Variants in MEIS1 observed in about 807,000 individuals in gnomAD.
MEIS1 encodes Meis homeobox 1.
A neutral mutation model predicts 50.8 loss-of-function variants in MEIS1; 5 were observed. The observed-to-expected ratio is 0.10, with a 90% CI of 0.05 to 0.21. The LOEUF is 0.21. MEIS1 is among the 10% of genes least tolerant of loss of function. The pLI, the probability that MEIS1 is intolerant of heterozygous loss-of-function variation, is 1.00. For synonymous variants in MEIS1, 176 were observed against 179.3 expected, an observed-to-expected ratio of 0.98 and a Z score of 0.15; for missense variants, 318 against 517.3, an observed-to-expected ratio of 0.61 and a Z score of 3.74.
intron 7 of MEIS1, among the ~76,000 whole-genome samples, chr2:66,475,207 T>C (rs1472010550): frequency 6.8e-6 from 1 of 146,174 alleles, no homozygotes; most frequent in Non-Finnish European, 1.5e-5. Context: ...CACACCTATA[T>C]AAATAAATAT....
Position 66,437,678 on chromosome 2 carries a change from G to T in MEIS1, c.13-59G>T, listed in dbSNP as rs115907637. 8 of 1,519,534 alleles carry T rather than the reference G, an allele frequency of 5.3e-6. No individual in the cohort carries two copies. In the South Asian group the frequency reaches 5.8e-5, roughly 11 times the overall value. The allele number at this position is 1,519,534 out of a possible 1,614,324, so 94.1% of individuals were successfully genotyped here. A position where few individuals can be genotyped will look rare whatever the true frequency, so the allele number is the denominator to read the frequency against. On this transcript the variant is annotated intron_variant, in intron 1 of 12. Coordinates refer to ENST00000272369, the MANE Select transcript of MEIS1 (RefSeq NM_002398.3). ...CCTTATATAAGCTCGGTGCCTTGCC[G>T]TTCTCCCATTTGCCCGCCTGGCCTC...
chr2:66,573,667 A>G lies in MEIS1; in HGVS notation c.*2459A>G, dbSNP rs1675521319. 6.6e-6 allele frequency: 1 copy of G among 152,182 alleles called. No homozygotes were observed. The highest frequency in any genetic ancestry group is 2.4e-5 in the African/African-American group (1 of 41,450). The allele number at this position is 152,182 out of a possible 1,614,324, so 9.4% of individuals were successfully genotyped here. ...ATGCGCAGAGAGCAAGGCTCAGCCT[A>G]CTGCAGCCATCTCTGGCAGCGCTTC... On this transcript the variant is annotated 3_prime_UTR_variant, in exon 13 of 13. Coordinates refer to ENST00000272369, the MANE Select transcript of MEIS1 (RefSeq NM_002398.3).
At chr2:66,508,343 G>A (rs778852359) in intron 7 of MEIS1, among the ~76,000 whole-genome samples, 17 of 152,162 alleles carry the variant, frequency 1.1e-4, no homozygotes, top group Middle Eastern at 3.2e-3. Flanking sequence ...ACAGAACCAG[G>A]TATTGCCAAT....
intron 8 of MEIS1, among the ~76,000 whole-genome samples, chr2:66,530,577 G>T (rs182588061): frequency 0.012 from 1,839 of 152,244 alleles, 23 homozygotes; most frequent in Non-Finnish European, 0.018. Flanking sequence ...TTAGCCGGGC[G>T]TGGTGGCAGG....
intron 8 of MEIS1, among the ~76,000 whole-genome samples, chr2:66,517,631 C>T (rs541110254): frequency 2.0e-5 from 3 of 152,176 alleles, no homozygotes; most frequent in East Asian, 1.9e-4. Flanking sequence ...TTGTAGATAG[C>T]GTATTTCAAC....
intron 9 of MEIS1, among the ~76,000 whole-genome samples, chr2:66,555,690 G>C (rs1251243440): frequency 1.3e-5 from 2 of 152,098 alleles, no homozygotes; most frequent in African/African-American, 4.8e-5. Context: ...CTGGTGTTGG[G>C]TGATTAACCG....
Position 66,442,988 on chromosome 2 carries a change from A to G in MEIS1, c.570A>G (p.Arg190=). 1 of 1,606,752 alleles carries G rather than the reference A, an allele frequency of 6.2e-7. No individual in the cohort carries two copies. The highest frequency in any genetic ancestry group is 8.5e-7 in the Non-Finnish European group (1 of 1,177,354). ...CTATCGATTTGGTGATAGACGATAG[A>G]GAAGGAGGATCAAAATCAGACAGTG... ...KMPIDLVIDD[R]EGGSKSDSED... is the part of the protein sequence containing the mutation. Residue 190 remains arginine, a synonymous_variant, in exon 6 of 13, where the codon AGA becomes AGG. Transcript: ENST00000272369.
intron 1 of MEIS1, among the ~76,000 whole-genome samples, chr2:66,436,642 C>T (rs901395032): frequency 5.9e-5 from 9 of 152,202 alleles, no homozygotes; most frequent in Non-Finnish European, 1.0e-4. Flanking sequence ...ACTAGGCTGA[C>T]ACAGTTTTCT....
chr2:66,474,065 C>T (rs1208659738), intron 7 of MEIS1, among the ~76,000 whole-genome samples: 1 of 151,794 alleles, frequency 6.6e-6, no homozygotes, highest in Non-Finnish European at 1.5e-5. Context: ...AAAGTCTGTA[C>T]ATGTTCAGTA....
chr2:66,541,312 C>T (rs1674647410), intron 8 of MEIS1, among the ~76,000 whole-genome samples: 1 of 152,078 alleles, frequency 6.6e-6, no homozygotes, highest in African/African-American at 2.4e-5. Context: ...ACTGGGATTA[C>T]AGGTGTGAGC....
intron 7 of MEIS1, among the ~76,000 whole-genome samples, chr2:66,504,704 C>A: frequency 6.6e-6 from 1 of 152,152 alleles, no homozygotes; most frequent in Admixed American, 6.5e-5. Flanking sequence ...TCTACAGCCC[C>A]ACCATTCTTA....
chr2:66,499,990 C>G (rs12620754), intron 7 of MEIS1, among the ~76,000 whole-genome samples: 42,330 of 151,978 alleles, frequency 0.28, 6,299 homozygotes, highest in East Asian at 0.38. Flanking sequence ...CTAAAAGGGC[C>G]TTGTGTGCAA....
intron 4 of MEIS1, chr2:66,441,122 T>C (rs1307078091): frequency 4.9e-6 from 2 of 410,784 alleles, no homozygotes; most frequent in Non-Finnish European, 8.5e-6. Context: ...TGTGGCCCTT[T>C]TGGGGTGGGG....
At chr2:66,568,438 A>G (rs561422050) in intron 10 of MEIS1, 154 of 417,092 alleles carry the variant, frequency 3.7e-4, no homozygotes, top group African/African-American at 2.8e-3. Flanking sequence ...CCAAGCAGAA[A>G]GTTTCCACAC....
rs533008885 is a variant in MEIS1, at chr2:66,435,236, A to AT, written c.-613dup. The AT allele has an allele frequency of 6.6e-6, 1 of 152,598 alleles. No individual in the cohort carries two copies. The highest frequency in any genetic ancestry group is 1.5e-5 in the Non-Finnish European group (1 of 68,348). 9.5% of individuals were successfully genotyped at this position (152,598 alleles called of 1,614,324 possible). On this transcript the variant is annotated 5_prime_UTR_variant, in exon 1 of 13. Coordinates refer to ENST00000272369, the MANE Select transcript of MEIS1 (RefSeq NM_002398.3). ...TCCTTTAAGACAAACTCAGACAGACATTTTTTTTAACCCTCCTTCTCTAAT... is the reference window on the plus strand; with the variant it reads ...TCCTTTAAGACAAACTCAGACAGACATTTTTTTTTAACCCTCCTTCTCTAAT...
chr2:66,475,835 G>C (rs1486010812), intron 7 of MEIS1, among the ~76,000 whole-genome samples: 1 of 152,152 alleles, frequency 6.6e-6, no homozygotes, highest in Non-Finnish European at 1.5e-5. Context: ...GATTGGACTA[G>C]GTATCTGTAA....
At chr2:66,436,874 T>TG (rs1354623564) in intron 1 of MEIS1, 2 of 921,134 alleles carry the variant, frequency 2.2e-6, no homozygotes, top group African/African-American at 1.8e-5. Flanking sequence ...TGAAAGTAGT[T>TG]TTTTTTTTTT....
At chr2:66,459,548 A>G (rs1393132633) in intron 6 of MEIS1, among the ~76,000 whole-genome samples, 2 of 152,158 alleles carry the variant, frequency 1.3e-5, no homozygotes, top group Non-Finnish European at 2.9e-5. Flanking sequence ...GATCTGGTGG[A>G]ATGGAACTCT....
intron 6 of MEIS1, among the ~76,000 whole-genome samples, chr2:66,449,699 A>C (rs1182142912): frequency 6.6e-6 from 1 of 152,178 alleles, no homozygotes; most frequent in Non-Finnish European, 1.5e-5. Context: ...AATTATGATC[A>C]ATGTAATGCA....
Sources: allele counts gnomAD v4.1 joint callset (sites outside exome capture counted in the v4.1 genomes callset), GRCh38; gene constraint gnomAD v4.1.1; transcripts MANE v1.5; gene names NCBI Gene and HGNC (gene_info 2026-07-23, HGNC 2026-07-21).